The following DISC1 variants were observed in gnomAD, a reference collection of about 807,000 sequenced individuals.
The protein encoded by DISC1 is DISC1 scaffold protein, also known as disrupted in schizophrenia 1 protein.
A neutral mutation model predicts 84.5 loss-of-function variants in DISC1; 57 were observed. The observed-to-expected ratio is 0.67, with a 90% CI of 0.55 to 0.84. The LOEUF (loss-of-function observed/expected upper bound fraction) is 0.84, where lower values mean the gene tolerates loss of function less well. Among genes scored for constraint, DISC1 ranks in the 40% least tolerant of loss-of-function variants. The probability of loss-of-function intolerance (pLI) is 0.00; values close to 1 mark genes in which losing one functional copy is unlikely to be tolerated. For missense variants in DISC1, 1,000 were observed against 1,057.8 expected (o/e 0.95, Z 0.76); for synonymous variants, 411 against 415.2 (o/e 0.99, Z 0.12).
At chr1:231,840,158 A>G (rs1237532918) in intron 9 of DISC1, among the ~76,000 whole-genome samples, 2 of 152,240 alleles carry the variant, frequency 1.3e-5, no homozygotes, top group African/African-American at 2.4e-5. Context: ...AAGGTGGAGC[A>G]GGCCAATTGC....
intron 4 of DISC1, chr1:231,750,713 G>A (rs2074518114): frequency 2.2e-6 from 1 of 444,526 alleles, no homozygotes; most frequent in South Asian, 9.5e-5. Context: ...CCAGATATTG[G>A]CATGCTTAAA....
intron 3 of DISC1, among the ~76,000 whole-genome samples, chr1:231,727,978 T>C (rs1375649631): frequency 1.3e-5 from 2 of 151,682 alleles, no homozygotes; most frequent in Non-Finnish European, 2.9e-5. Context: ...AGGGGGGTGG[T>C]AAGAAAAAAC....
intron 9 of DISC1, among the ~76,000 whole-genome samples, chr1:231,866,879 G>T (rs1177069091): frequency 6.6e-6 from 1 of 152,144 alleles, no homozygotes; most frequent in Non-Finnish European, 1.5e-5. Context: ...AAAGCTTACC[G>T]TCTGCTCATC....
At chr1:231,825,065 A>G (rs2125791904) in intron 9 of DISC1, among the ~76,000 whole-genome samples, 1 of 152,312 alleles carries the variant, frequency 6.6e-6, no homozygotes, top group African/African-American at 2.4e-5. Flanking sequence ...AATTTCCACA[A>G]TTCAATTTAT....
At chr1:231,967,097 A>G (rs1661227044) in intron 10 of DISC1, among the ~76,000 whole-genome samples, 1 of 152,238 alleles carries the variant, frequency 6.6e-6, no homozygotes, top group Non-Finnish European at 1.5e-5. Context: ...CTTTTTAATT[A>G]TTAAAATTTC....
intron 1 of DISC1, among the ~76,000 whole-genome samples, chr1:231,668,659 T>C (rs1048426391): frequency 1.3e-5 from 2 of 152,190 alleles, no homozygotes; most frequent in Admixed American, 1.3e-4. Flanking sequence ...TCCCAAAATC[T>C]TTGGCCAACA....
At chr1:231,662,076 C>T (rs1307502370) in intron 1 of DISC1, among the ~76,000 whole-genome samples, 2 of 152,184 alleles carry the variant, frequency 1.3e-5, no homozygotes, top group Non-Finnish European at 2.9e-5. Flanking sequence ...GAGATATCAC[C>T]AGTGAAGGCT....
intron 10 of DISC1, among the ~76,000 whole-genome samples, chr1:232,007,318 A>G (rs1201692265): frequency 6.6e-6 from 1 of 152,110 alleles, no homozygotes; most frequent in Non-Finnish European, 1.5e-5. Context: ...AGCTGCAGAC[A>G]CTCAGTGCTA....
At chr1:231,846,367 CTT>C (rs1249648516) in intron 9 of DISC1, among the ~76,000 whole-genome samples, 1 of 152,234 alleles carries the variant, frequency 6.6e-6, no homozygotes, top group Non-Finnish European at 1.5e-5. Context: ...CGGGCAGCAT[CTT>C]CATAGCCATC....
chr1:231,868,401 C>T (rs2085207783), intron 9 of DISC1, among the ~76,000 whole-genome samples: 2 of 152,058 alleles, frequency 1.3e-5, no homozygotes, highest in South Asian at 2.1e-4. Flanking sequence ...CAATACTGAG[C>T]TTCAAGGCCA....
intron 8 of DISC1, among the ~76,000 whole-genome samples, chr1:231,811,750 C>A (rs923710728): frequency 1.3e-5 from 2 of 152,106 alleles, no homozygotes; most frequent in African/African-American, 2.4e-5. Context: ...TGATTTCTAC[C>A]CAGGTGTTGA....
intron 9 of DISC1, among the ~76,000 whole-genome samples, chr1:231,955,473 T>TAAA (rs1048713778): frequency 6.6e-6 from 1 of 150,588 alleles, no homozygotes; most frequent in African/African-American, 2.5e-5. Flanking sequence ...TAAAAATCTG[T>TAAA]AGTCATTCTT....
chr1:231,693,173 G>A (rs530546464), intron 1 of DISC1, among the ~76,000 whole-genome samples: 13 of 152,302 alleles, frequency 8.5e-5, no homozygotes, highest in African/African-American at 3.1e-4. Flanking sequence ...TGAGGAGTCA[G>A]CATTTGTTAT....
intron 12 of DISC1, among the ~76,000 whole-genome samples, chr1:232,028,414 C>T (rs1669680236): frequency 6.6e-6 from 1 of 152,104 alleles, no homozygotes. Flanking sequence ...GGAATTGGAT[C>T]TTATTTTTAC....
At chr1:232,004,914 TTCCTTCTTCCCTTCCTTCCA>T (rs1667179825) in intron 10 of DISC1, among the ~76,000 whole-genome samples, 1 of 130,818 alleles carries the variant, frequency 7.6e-6, no homozygotes. Context: ...CTTTCCTTCC[TTCCTTCTTCCCTTCCTTCCA>T]TCCTTCTTCC....
chr1:231,939,568 C>T (rs1005426197), intron 9 of DISC1, among the ~76,000 whole-genome samples: 8 of 152,112 alleles, frequency 5.3e-5, no homozygotes, highest in African/African-American at 1.9e-4. Context: ...CTGCCTCCAT[C>T]TTTATTTCTC....
chr1:231,879,338 G>A (rs529715901), intron 9 of DISC1, among the ~76,000 whole-genome samples: 1 of 151,930 alleles, frequency 6.6e-6, no homozygotes, highest in South Asian at 2.1e-4. Context: ...GAATTTCTGG[G>A]ACTTAAGGTA....
intron 1 of DISC1, among the ~76,000 whole-genome samples, chr1:231,682,209 G>A (rs941092177): frequency 3.3e-5 from 5 of 152,084 alleles, no homozygotes; most frequent in African/African-American, 1.2e-4. Context: ...GTGTGGTGTC[G>A]ACTCCTAGTT....
chr1:232,025,009 A>G (rs1660324816), intron 11 of DISC1, among the ~76,000 whole-genome samples: 1 of 152,166 alleles, frequency 6.6e-6, no homozygotes, highest in Non-Finnish European at 1.5e-5. Flanking sequence ...TTATTCTAAG[A>G]ATCTCTATCT....
Sources: allele counts gnomAD v4.1 joint callset (sites outside exome capture counted in the v4.1 genomes callset), GRCh38; gene constraint gnomAD v4.1.1; transcripts MANE v1.5; gene names NCBI Gene and HGNC (gene_info 2026-07-23, HGNC 2026-07-21).